The following THADA variants were observed in gnomAD, a reference collection of about 807,000 sequenced individuals.
The protein encoded by THADA is tRNA (32-2'-O)-methyltransferase regulator THADA.
Under a neutral mutation model 219.8 loss-of-function variants are expected in THADA, and 213 were observed. The observed-to-expected ratio is 0.97, with a 90% CI of 0.87 to 1.09. The LOEUF (loss-of-function observed/expected upper bound fraction) is 1.09, where lower values mean the gene tolerates loss of function less well. THADA is among the 50% of genes least tolerant of loss of function. THADA has a pLI of 0.00. For missense variants in THADA, 2,956 were observed against 2,311.3 expected (o/e 1.28, Z -5.72); for synonymous variants, 1,018 against 828.9 (o/e 1.23, Z -3.92).
At chr2:43,386,068 T>C (rs1407737931) in intron 29 of THADA, among the ~76,000 whole-genome samples, 1 of 152,084 alleles carries the variant, frequency 6.6e-6, no homozygotes, top group Non-Finnish European at 1.5e-5. Context: ...ACATCTGATA[T>C]CTGATGCCCA....
intron 25 of THADA, among the ~76,000 whole-genome samples, chr2:43,493,101 C>G (rs546359925): frequency 3.3e-5 from 5 of 152,292 alleles, no homozygotes; most frequent in South Asian, 4.1e-4. Context: ...CATGGCAGCA[C>G]TACTGGGCAG....
chr2:43,552,028 T>C (rs1696809826), intron 18 of THADA, 103 bp from the exon 19 acceptor site: 2 of 1,553,696 alleles, frequency 1.3e-6, no homozygotes, highest in South Asian at 2.5e-5. Flanking sequence ...AATTGTTCAA[T>C]ACATAAAACA....
chr2:43,466,044 C>G (rs936161311), intron 26 of THADA, among the ~76,000 whole-genome samples: 2 of 152,188 alleles, frequency 1.3e-5, no homozygotes, highest in African/African-American at 4.8e-5. Context: ...CTTAATATCT[C>G]TAATCAGTAT....
chr2:43,483,812 TTTC>T (rs973470936), intron 26 of THADA, among the ~76,000 whole-genome samples: 1 of 151,766 alleles, frequency 6.6e-6, no homozygotes, highest in South Asian at 2.1e-4. Context: ...AAAAAAAAAT[TTTC>T]TTCAAGTTCA....
chr2:43,440,877 A>G (rs1022532486), intron 26 of THADA, among the ~76,000 whole-genome samples: 4 of 152,216 alleles, frequency 2.6e-5, no homozygotes, highest in Admixed American at 2.6e-4. Flanking sequence ...CTATTCTAGG[A>G]TTAAAGTCAT....
intron 31 of THADA, among the ~76,000 whole-genome samples, chr2:43,320,065 C>G (rs1055089046): frequency 1.3e-5 from 2 of 151,878 alleles, no homozygotes; most frequent in Admixed American, 6.6e-5. Context: ...TCTCAAATAC[C>G]CAGCATCAAA....
chr2:43,398,937 T>A (rs1321345586), intron 28 of THADA, among the ~76,000 whole-genome samples: 1 of 152,110 alleles, frequency 6.6e-6, no homozygotes, highest in African/African-American at 2.4e-5. Flanking sequence ...AGAGCGGGAA[T>A]AAAAGCCAGT....
In THADA at chr2:43,431,022, C is replaced by T. The variant is rs114182456; in HGVS notation, c.3837-720G>A. Among the ~76,000 whole-genome samples the T allele has an allele frequency of 6.3e-3, 964 of 152,294 alleles. 13 individuals carry two copies. The highest frequency in any genetic ancestry group is 0.022 in the African/African-American group (915 of 41,542). On this transcript the variant is annotated intron_variant, in intron 26 of 37. Coordinates refer to ENST00000405975, the MANE Select transcript of THADA (RefSeq NM_022065.5). ...CAACTTTATAAAAACTTCTCTTGAACTACGAAAGTAGAATAGTTCCTCAGG... is the reference window on the plus strand; with the variant it reads ...CAACTTTATAAAAACTTCTCTTGAATTACGAAAGTAGAATAGTTCCTCAGG...
intron 29 of THADA, among the ~76,000 whole-genome samples, chr2:43,354,269 T>C (rs1266443136): frequency 6.6e-6 from 1 of 152,104 alleles, no homozygotes; most frequent in African/African-American, 2.4e-5. Flanking sequence ...TTTTATTTTT[T>C]ATGGGTATAT....
At chr2:43,232,996 C>T in intron 36 of THADA, 114 bp from the exon 37 acceptor site, 1 of 1,156,534 alleles carries the variant, frequency 8.6e-7, no homozygotes. Flanking sequence ...TGCCACCAGC[C>T]TGGCAGGGAA....
intron 29 of THADA, among the ~76,000 whole-genome samples, chr2:43,397,113 A>C (rs79165612): frequency 0.069 from 10,494 of 151,870 alleles, 432 homozygotes; most frequent in Non-Finnish European, 0.098. Flanking sequence ...TGAGATTCAC[A>C]CCCAGGCAGT....
At chr2:43,322,485 C>CA (rs1272563701) in intron 30 of THADA, among the ~76,000 whole-genome samples, 1 of 151,488 alleles carries the variant, frequency 6.6e-6, no homozygotes, top group African/African-American at 2.4e-5. Flanking sequence ...GCCTGGGTGA[C>CA]AGAGTGAGAC....
intron 26 of THADA, among the ~76,000 whole-genome samples, chr2:43,457,697 T>A (rs1285730490): frequency 6.6e-6 from 1 of 152,198 alleles, no homozygotes; most frequent in Non-Finnish European, 1.5e-5. Flanking sequence ...AAAATTCAGT[T>A]ATAGGGAACC....
At position 43,577,538 on chromosome 2, in the gene THADA, T is replaced by A. The variant is rs549443969; in HGVS notation, c.817-296A>T. On this transcript the variant is annotated intron_variant, in intron 9 of 37. Coordinates refer to ENST00000405975, the MANE Select transcript of THADA (RefSeq NM_022065.5). ...TTTTTTTTGGTATGTATTTTTTTTT[T>A]AAACAAATGCTTTTAGAGGTGATTT... Among the ~76,000 whole-genome samples the A allele has an allele frequency of 3.3e-4, 50 of 152,156 alleles. 1 individual carries two copies. Among genetic ancestry groups the A allele is most frequent in the Admixed American group, 1.3e-3 (20 of 15,276 alleles).
chr2:43,545,044 C>T (rs1464309069), intron 20 of THADA, among the ~76,000 whole-genome samples: 2 of 152,252 alleles, frequency 1.3e-5, no homozygotes, highest in East Asian at 1.9e-4. Context: ...TTTTGAGATA[C>T]GTCCCATCAA....
chr2:43,347,759 C>T (rs1006122979), intron 29 of THADA, among the ~76,000 whole-genome samples: 24 of 152,108 alleles, frequency 1.6e-4, no homozygotes, highest in African/African-American at 5.3e-4. Context: ...ATTGGTACTA[C>T]TCAGGGGACA....
intron 26 of THADA, among the ~76,000 whole-genome samples, chr2:43,455,701 G>A (rs893394542): frequency 2.0e-5 from 3 of 152,194 alleles, no homozygotes; most frequent in African/African-American, 2.4e-5. Context: ...TTTATGCAAA[G>A]GATAGGTTAG....
chr2:43,239,385 T>A (rs959410960), intron 36 of THADA, among the ~76,000 whole-genome samples: 1 of 152,198 alleles, frequency 6.6e-6, no homozygotes, highest in Non-Finnish European at 1.5e-5. Context: ...CCAACAGGGC[T>A]GGAGGTGAAG....
At chr2:43,379,259 T>A (rs1206788785) in intron 29 of THADA, among the ~76,000 whole-genome samples, 1 of 152,042 alleles carries the variant, frequency 6.6e-6, no homozygotes, top group Non-Finnish European at 1.5e-5. Flanking sequence ...AAGATAGAGA[T>A]GGAGTCTATA....
Sources: allele counts gnomAD v4.1 joint callset (sites outside exome capture counted in the v4.1 genomes callset), GRCh38; gene constraint gnomAD v4.1.1; transcripts MANE v1.5; gene names NCBI Gene and HGNC (gene_info 2026-07-23, HGNC 2026-07-21).